KLHL3: variants seen among roughly 807,000 people sequenced by gnomAD.
The protein encoded by KLHL3 is kelch like family member 3.
KLHL3 carries 19 observed loss-of-function variants against 70.5 expected under a neutral mutation model. The ratio of observed to expected loss-of-function variants is 0.27; its 90% CI spans 0.19 to 0.40. The LOEUF is 0.40. Ranked by LOEUF, KLHL3 falls within the 10% of genes least tolerant of loss-of-function variation. The pLI is 1.00. For missense variants in KLHL3, 512 were observed against 771.1 expected, an observed-to-expected ratio of 0.66 and a Z score of 3.98; for synonymous variants, 258 against 290.3, an observed-to-expected ratio of 0.89 and a Z score of 1.13.
rs1752489422 is a variant in KLHL3, at chr5:137,698,165, T to C, written c.363+122A>G. On this transcript the variant is annotated intron_variant, in intron 4 of 14. Coordinates refer to ENST00000309755, the MANE Select transcript of KLHL3 (RefSeq NM_017415.3). ...CCCAGGGCAGGTCACCTGACCTCTCTGGAGCTTTAGTTTCCTCTTCAGTAA... is the reference window on the plus strand; with the variant it reads ...CCCAGGGCAGGTCACCTGACCTCTCCGGAGCTTTAGTTTCCTCTTCAGTAA... 2.2e-6 allele frequency: 3 copies of C among 1,349,124 alleles called. No individual in the cohort carries two copies. In the African/African-American group the frequency reaches 4.3e-5, roughly 19 times the overall value. The allele number at this position is 1,349,124 out of a possible 1,614,324, so 83.6% of individuals were successfully genotyped here. A position where few individuals can be genotyped will look rare whatever the true frequency, so the allele number is the denominator to read the frequency against.
rs2074344 is a variant in KLHL3, at chr5:137,625,711, T to C, written c.1735+42A>G. On this transcript the variant is annotated intron_variant, in intron 14 of 14. Coordinates refer to ENST00000309755, the MANE Select transcript of KLHL3 (RefSeq NM_017415.3). The stretch of plus-strand genomic sequence containing the variant: ...ACCCAACCCTCATTCCCCCAGTGTG[T>C]TGGAGGCCTCTCGGATGGGCATGGA... 156,533 of 1,603,474 alleles carry C rather than the reference T, an allele frequency of 0.098. 11,795 individuals carry two copies. Among genetic ancestry groups the C allele is most frequent in the East Asian group, 0.4 (17,879 of 44,784 alleles).
chr5:137,716,690 A>G (rs1752899272), intron 2 of KLHL3, among the ~76,000 whole-genome samples: 1 of 152,260 alleles, frequency 6.6e-6, no homozygotes, highest in Non-Finnish European at 1.5e-5. Flanking sequence ...GCCATTAAAA[A>G]GTGAAGCAGA....
At chr5:137,717,061 T>G (rs1752908088) in intron 2 of KLHL3, among the ~76,000 whole-genome samples, 1 of 152,256 alleles carries the variant, frequency 6.6e-6, no homozygotes, top group Non-Finnish European at 1.5e-5. Flanking sequence ...GGGGCAGCAC[T>G]GATGGCCAAA....
chr5:137,701,291 G>C (rs1752561969), intron 3 of KLHL3, among the ~76,000 whole-genome samples: 1 of 152,022 alleles, frequency 6.6e-6, no homozygotes, highest in South Asian at 2.1e-4. Flanking sequence ...CAGACGATCT[G>C]TCCTCCTTGG....
chr5:137,688,710 T>C (rs562535446), intron 5 of KLHL3, among the ~76,000 whole-genome samples: 2 of 152,366 alleles, frequency 1.3e-5, no homozygotes, highest in African/African-American at 4.8e-5. Flanking sequence ...CTGTCCCTTC[T>C]GTCACTATGT....
intron 8 of KLHL3, among the ~76,000 whole-genome samples, chr5:137,654,546 T>G (rs1751292473): frequency 6.6e-6 from 1 of 152,242 alleles, no homozygotes; most frequent in Non-Finnish European, 1.5e-5. Context: ...CTATTCATTC[T>G]TCAAGCCTTC....
chr5:137,678,516 C>T (rs2967792), intron 5 of KLHL3, among the ~76,000 whole-genome samples: 124,639 of 152,178 alleles, frequency 0.82, 51,603 homozygotes, highest in East Asian at 0.98. Context: ...AATGGCATCA[C>T]TGCTATGTTG....
chr5:137,664,468 C>T (rs1405062794), intron 6 of KLHL3, among the ~76,000 whole-genome samples: 1 of 151,976 alleles, frequency 6.6e-6, no homozygotes, highest in Non-Finnish European at 1.5e-5. Flanking sequence ...TAGAAAAACA[C>T]CATTTCTGCA....
In KLHL3 at chr5:137,618,428, A is replaced by C. The variant is rs908541431; in HGVS notation, c.*3670T>G. On this transcript the variant is annotated 3_prime_UTR_variant, in exon 15 of 15. Transcript: ENST00000309755. ...GAGTAGAGACATAGCTCAAGAAGCAAGTTGTAAGTGTAGTGTGAGCACCTG... is the reference window on the plus strand; with the variant it reads ...GAGTAGAGACATAGCTCAAGAAGCACGTTGTAAGTGTAGTGTGAGCACCTG... The C allele has an allele frequency of 6.6e-6, 1 of 152,180 alleles. No individual in the cohort carries two copies. The highest frequency in any genetic ancestry group is 1.5e-5 in the Non-Finnish European group (1 of 68,018). 9.4% of individuals were successfully genotyped at this position (152,180 alleles called of 1,614,324 possible). A position where few individuals can be genotyped will look rare whatever the true frequency, so the allele number is the denominator to read the frequency against.
chr5:137,734,317 C>T (rs1017206080), intron 1 of KLHL3, among the ~76,000 whole-genome samples: 2 of 152,168 alleles, frequency 1.3e-5, no homozygotes, highest in Non-Finnish European at 2.9e-5. Context: ...TCATATTCTG[C>T]TGCTCAGCAG....
rs562736621 is a variant in KLHL3, at chr5:137,628,301, G to A, written c.1587C>T (p.Asn529=). The A allele has an allele frequency of 1.4e-5, 22 of 1,614,032 alleles. No individual in the cohort carries two copies. Among genetic ancestry groups the A allele is most frequent in the South Asian group, 3.3e-5 (3 of 91,084 alleles). The change falls in exon 13 of 15, where the codon AAC becomes AAT. Residue 529 remains asparagine, a synonymous_variant. Coordinates refer to ENST00000309755, the MANE Select transcript of KLHL3 (RefSeq NM_017415.3). ...GATGGAGAGAGCAGTCATTACCTGCGTTGCGCCGGCACATGTTCATGTCTG... is the reference window on the plus strand; with the variant it reads ...GATGGAGAGAGCAGTCATTACCTGCATTGCGCCGGCACATGTTCATGTCTG... ...QVADMNMCRR[N]AGVCAVNGLL... is the part of the protein sequence containing the mutation.
At chr5:137,719,578 C>A (rs1239804685) in intron 2 of KLHL3, among the ~76,000 whole-genome samples, 1 of 152,136 alleles carries the variant, frequency 6.6e-6, no homozygotes, top group Non-Finnish European at 1.5e-5. Context: ...GAGCCCCGAA[C>A]CTGCCTTGCA....
At chr5:137,733,654 T>C (rs1753215141) in intron 1 of KLHL3, among the ~76,000 whole-genome samples, 1 of 152,230 alleles carries the variant, frequency 6.6e-6, no homozygotes, top group Non-Finnish European at 1.5e-5. Context: ...AGTAGAATTT[T>C]AGAATAACCT....
Position 137,618,894 on chromosome 5 carries a change from T to TAAAAAAAAAA in KLHL3, c.*3194_*3203dup, listed in dbSNP as rs1045906480. 5 of 146,210 alleles carry TAAAAAAAAAA rather than the reference T, an allele frequency of 3.4e-5. 1 individual carries two copies. The highest frequency in any genetic ancestry group is 6.0e-5 in the Non-Finnish European group (4 of 66,988). The allele number at this position is 146,210 out of a possible 1,614,324, so 9.1% of individuals were successfully genotyped here. A position where few individuals can be genotyped will look rare whatever the true frequency, so the allele number is the denominator to read the frequency against. ...CAGACTCCCTTGAATATGGTATTTT[T>TAAAAAAAAAA]AAAAAAAAAAAAAAGGCTCATCTAC... On this transcript the variant is annotated 3_prime_UTR_variant, in exon 15 of 15. Transcript: ENST00000309755.
At chr5:137,627,463 T>G (rs1750496492) in intron 13 of KLHL3, among the ~76,000 whole-genome samples, 2 of 131,868 alleles carry the variant, frequency 1.5e-5, no homozygotes, top group African/African-American at 2.7e-5. Flanking sequence ...ATGAGTAAAT[T>G]AGTAAATATC....
At chr5:137,717,611 T>G (rs1451561970) in intron 2 of KLHL3, among the ~76,000 whole-genome samples, 7 of 152,258 alleles carry the variant, frequency 4.6e-5, no homozygotes, top group Non-Finnish European at 1.0e-4. Flanking sequence ...TGTGCCACAA[T>G]GTCTTTTGCA....
intron 4 of KLHL3, among the ~76,000 whole-genome samples, chr5:137,695,853 T>C (rs558422555): frequency 1.3e-5 from 2 of 152,268 alleles, no homozygotes; most frequent in East Asian, 3.9e-4. Flanking sequence ...TACTGCCTGG[T>C]CCCTGGAGGG....
chr5:137,720,007 G>C (rs899876124), intron 2 of KLHL3, among the ~76,000 whole-genome samples: 1 of 152,084 alleles, frequency 6.6e-6, no homozygotes, highest in South Asian at 2.1e-4. Context: ...AGCAGAGTTC[G>C]AAAGGGGAAA....
intron 8 of KLHL3, among the ~76,000 whole-genome samples, chr5:137,649,997 TAA>T (rs1233582089): frequency 6.6e-6 from 1 of 152,154 alleles, no homozygotes; most frequent in Non-Finnish European, 1.5e-5. Context: ...AGAGTTGTAA[TAA>T]AGACAAAATA....
Sources: gnomAD v4.1 joint callset for allele counts (sites outside exome capture counted in the v4.1 genomes callset) on GRCh38, gnomAD v4.1.1 for gene constraint, MANE v1.5 for transcripts, NCBI Gene and HGNC (gene_info 2026-07-23, HGNC 2026-07-21) for gene names.